Variants in MGAM2 observed in about 807,000 individuals in gnomAD.
MGAM2 encodes probable maltase-glucoamylase 2.
A neutral mutation model predicts 96.1 loss-of-function variants in MGAM2; 98 were observed. The ratio of observed to expected loss-of-function variants is 1.02; its 90% CI spans 0.87 to 1.21. The LOEUF (loss-of-function observed/expected upper bound fraction) is 1.21. Ranked by LOEUF, MGAM2 falls within the 50% of genes most tolerant of loss-of-function variation. The probability of loss-of-function intolerance (pLI) is 0.00; values close to 1 mark genes in which losing one functional copy is unlikely to be tolerated. For synonymous variants in MGAM2, 749 were observed against 414.8 expected, an observed-to-expected ratio of 1.81 and a Z score of -9.79; for missense variants, 2,055 against 1,182.4, an observed-to-expected ratio of 1.74 and a Z score of -10.82.
intron 19 of MGAM2, 75 bp downstream of exon 19, chr7:142,158,407 C>A: frequency 1.5e-6 from 1 of 683,020 alleles, no homozygotes; most frequent in Non-Finnish European, 2.7e-6. Flanking sequence ...TAAGTTGGTT[C>A]CTATCTATGA....
At position 142,173,029 on chromosome 7, in the gene MGAM2, G is replaced by A. The variant is rs542476659; in HGVS notation, c.3562-200G>A. Among the ~76,000 whole-genome samples the A allele has an allele frequency of 2.6e-5, 4 of 152,216 alleles. No individual in the cohort carries two copies. The South Asian group carries it at 8.3e-4, about 32-fold the overall frequency. ...TCAGGTTTCCTAGAATGAAAACTCT[G>A]GAATACAGAAAAACTTCAATTACGT... On this transcript the variant is annotated intron_variant, in intron 30 of 47. Coordinates refer to ENST00000477922, the MANE Select transcript of MGAM2 (RefSeq NM_001293626.2).
chr7:142,196,458 C>T, intron 38 of MGAM2, 107 bp from the exon 39 acceptor site: 1 of 670,964 alleles, frequency 1.5e-6, no homozygotes, highest in Non-Finnish European at 2.7e-6. Context: ...TTAATATTTT[C>T]ATCATGGTCC....
rs143465514 is a variant in MGAM2, at chr7:142,130,760, T to C, written c.187-188T>C. Among the ~76,000 whole-genome samples, 253 of 152,372 alleles carry C rather than the reference T, an allele frequency of 1.7e-3. 4 individuals carry two copies. The South Asian group carries it at 0.033, about 20-fold the overall frequency. On this transcript the variant is annotated intron_variant, in intron 3 of 47. Transcript: ENST00000477922. ...TTATCTGTATTATCAGTTCCATGTC[T>C]GGTAGATAATAAATACATATTGGAC... is the stretch of plus-strand genomic sequence containing the variant.
rs773819969 is a variant in MGAM2 at position 142,134,095 on chromosome 7, C to G, written c.690C>G (p.Arg230=). 3 of 763,462 alleles carry G rather than the reference C, an allele frequency of 3.9e-6. No individual in the cohort carries two copies. In the South Asian group the frequency reaches 4.0e-5, roughly 10 times the overall value. The allele number at this position is 763,462 out of a possible 1,614,324, so 47.3% of individuals were successfully genotyped here. ...GAGAGCATGTGCACCAGCAGTACCG[C>G]CACAATATGACCTGGAAGACTTGGC... ...GLGEHVHQQY[R]HNMTWKTWPI... is the part of the protein sequence containing the mutation. The change falls in exon 7 of 48, where the codon CGC becomes CGG. Residue 230 remains arginine, a synonymous_variant. Coordinates refer to ENST00000477922, the MANE Select transcript of MGAM2 (RefSeq NM_001293626.2).
chr7:142,175,365 T>G (rs1287324818), intron 31 of MGAM2, among the ~76,000 whole-genome samples: 1 of 152,176 alleles, frequency 6.6e-6, no homozygotes, highest in Non-Finnish European at 1.5e-5. Context: ...AGTTTGAGAT[T>G]TGAAGAGTGG....
intron 45 of MGAM2, among the ~76,000 whole-genome samples, chr7:142,200,452 G>A (rs893047722): frequency 1.3e-5 from 2 of 152,120 alleles, no homozygotes; most frequent in Admixed American, 6.5e-5. Context: ...TACTTACATC[G>A]ATGAAATATT....
In MGAM2 at chr7:142,204,152, T is replaced by C. The variant is rs1340331101; in HGVS notation, c.5137+4184T>C. Among the ~76,000 whole-genome samples, 2 of 152,050 alleles carry C rather than the reference T, an allele frequency of 1.3e-5. 1 individual carries two copies. The highest frequency in any genetic ancestry group is 4.8e-5 in the African/African-American group (2 of 41,446). On this transcript the variant is annotated intron_variant, in intron 45 of 47. Transcript: ENST00000477922. ...AATTACCATTTACTTAGATCTTTAA[T>C]TACTCTTAGCAATGTTTTATAATTT...
At chr7:142,139,522 G>C (rs913874731) in intron 10 of MGAM2, among the ~76,000 whole-genome samples, 3 of 151,986 alleles carry the variant, frequency 2.0e-5, no homozygotes, top group Non-Finnish European at 4.4e-5. Flanking sequence ...TTACCCAGGT[G>C]TGGTGGCACA....
intron 32 of MGAM2, 103 bp downstream of exon 32, chr7:142,175,883 T>C: frequency 4.0e-6 from 2 of 505,616 alleles, no homozygotes; most frequent in Non-Finnish European, 7.0e-6. Flanking sequence ...GAAATGTTCC[T>C]GTACTCTGTA....
intron 33 of MGAM2, 38 bp from the exon 34 acceptor site, chr7:142,185,039 G>A: frequency 1.4e-6 from 1 of 702,296 alleles, no homozygotes; most frequent in Non-Finnish European, 2.6e-6. Context: ...TGTATGCAAG[G>A]ATCTGTAAAG....
chr7:142,188,447 A>C (rs183319631), intron 36 of MGAM2, among the ~76,000 whole-genome samples: 6 of 152,312 alleles, frequency 3.9e-5, no homozygotes, highest in East Asian at 1.9e-4. Context: ...CCCATAAAAA[A>C]AAACAAACAA....
At chr7:142,146,992 T>C (rs898647196) in intron 14 of MGAM2, among the ~76,000 whole-genome samples, 1 of 152,306 alleles carries the variant, frequency 6.6e-6, no homozygotes, top group African/African-American at 2.4e-5. Flanking sequence ...CCTCCCAAAG[T>C]GCTGGGATTA....
rs1025026071 is a variant in MGAM2 at position 142,131,957 on chromosome 7, T to C, written c.447T>C (p.Tyr149=). 2.8e-6 allele frequency: 2 copies of C among 702,688 alleles called. No individual in the cohort carries two copies. Among genetic ancestry groups the C allele is most frequent in the Non-Finnish European group, 5.2e-6 (2 of 384,916 alleles). The allele number at this position is 702,688 out of a possible 1,614,324, so 43.5% of individuals were successfully genotyped here. Reference sequence around the variant, plus strand: ...TCACTGACTTTAATAACATACGCTATGAAGTTTCCCATGAAAATATTAACC... The same window carrying C: ...TCACTGACTTTAATAACATACGCTACGAAGTTTCCCATGAAAATATTAACC... ...FKITDFNNIR[Y]EVSHENINLV... The change falls in exon 6 of 48, where the codon TAT becomes TAC. Residue 149 remains tyrosine (Y), a synonymous_variant. Transcript: ENST00000477922.
intron 35 of MGAM2, 141 bp from the exon 36 acceptor site, chr7:142,187,609 G>C: frequency 5.3e-6 from 3 of 568,516 alleles, no homozygotes; most frequent in South Asian, 2.2e-5. Flanking sequence ...ATTTGGGTCA[G>C]TGCCAGGAAT....
chr7:142,150,018 T>G (rs1032160491), intron 15 of MGAM2, among the ~76,000 whole-genome samples: 2 of 151,828 alleles, frequency 1.3e-5, no homozygotes, highest in Non-Finnish European at 2.9e-5. Context: ...CTCAGCACAA[T>G]GAAACCTCCG....
At chr7:142,175,895 T>C in intron 32 of MGAM2, 115 bp downstream of exon 32, 1 of 473,144 alleles carries the variant, frequency 2.1e-6, no homozygotes, top group Non-Finnish European at 3.7e-6. Flanking sequence ...TACTCTGTAC[T>C]TTTTGTTTTG....
Position 142,185,514 on chromosome 7 carries a change from G to A in MGAM2, c.3987+375G>A, listed in dbSNP as rs558882250. 1.6e-3 allele frequency among the ~76,000 whole-genome samples: 240 copies of A among 152,260 alleles called. 2 individuals carry two copies. The highest frequency in any genetic ancestry group is 2.6e-3 in the Non-Finnish European group (180 of 68,030). ...TGCATACAAAAGAAAATACAAGTCA[G>A]CTGAATGAAGGAAAGTTGTTAATCT... On this transcript the variant is annotated intron_variant, in intron 34 of 47. Transcript: ENST00000477922.
At chr7:142,204,652 C>T (rs569812413) in intron 45 of MGAM2, among the ~76,000 whole-genome samples, 15 of 152,114 alleles carry the variant, frequency 9.9e-5, no homozygotes, top group African/African-American at 3.6e-4. Context: ...ATACATAAAA[C>T]ATTCCTGGCA....
intron 26 of MGAM2, among the ~76,000 whole-genome samples, chr7:142,168,471 T>C (rs1001589153): frequency 1.3e-5 from 2 of 152,108 alleles, no homozygotes; most frequent in Admixed American, 6.5e-5. Flanking sequence ...GATTTCACCA[T>C]GTTGGCCAGG....
Sources: allele counts gnomAD v4.1 joint callset (sites outside exome capture counted in the v4.1 genomes callset), GRCh38; gene constraint gnomAD v4.1.1; transcripts MANE v1.5; gene names NCBI Gene and HGNC (gene_info 2026-07-23, HGNC 2026-07-21).